FLI1: variants seen among roughly 807,000 people sequenced by gnomAD.
FLI1 encodes the protein Fli-1 proto-oncogene, ETS transcription factor.
In FLI1, 13 loss-of-function variants were observed where a neutral mutation model predicts 53.1. The observed-to-expected ratio is 0.24, with a 90% confidence interval of 0.16 to 0.39. The LOEUF is 0.39. Among genes scored for constraint, FLI1 ranks in the 10% least tolerant of loss-of-function variants. The pLI is 1.00. For synonymous variants in FLI1, 244 were observed against 236.7 expected (o/e 1.03, Z -0.28); for missense variants, 424 against 600.5 (o/e 0.71, Z 3.07).
Position 128,812,084 on chromosome 11 carries a change from G to A in FLI1, c.*1096G>A. The A allele has an allele frequency of 4.8e-6, 1 of 208,458 alleles. No individual in the cohort carries two copies. Among genetic ancestry groups the A allele is most frequent in the Non-Finnish European group, 9.8e-6 (1 of 102,198 alleles). The allele number at this position is 208,458 out of a possible 1,614,324, so 12.9% of individuals were successfully genotyped here. ...CTGAAAAGGAAACAGGGCTGTTTAAGTCACTGACTTATGAGAAAGCAAAGC... is the reference window on the plus strand; with the variant it reads ...CTGAAAAGGAAACAGGGCTGTTTAAATCACTGACTTATGAGAAAGCAAAGC... On this transcript the variant is annotated 3_prime_UTR_variant, in exon 9 of 9. Transcript: ENST00000527786.
intron 2 of FLI1, among the ~76,000 whole-genome samples, chr11:128,765,575 A>G (rs563481433): frequency 8.3e-4 from 127 of 152,174 alleles, no homozygotes; most frequent in Non-Finnish European, 1.6e-3. Flanking sequence ...CCCATACCCT[A>G]TGCCCTCTTG....
intron 1 of FLI1, among the ~76,000 whole-genome samples, chr11:128,728,485 G>A (rs1053060398): frequency 4.6e-5 from 7 of 152,218 alleles, no homozygotes; most frequent in South Asian, 2.1e-4. Flanking sequence ...GCGTGTTGAC[G>A]CTTGGACACT....
intron 5 of FLI1, among the ~76,000 whole-genome samples, chr11:128,796,460 C>A (rs1399361591): frequency 2.6e-5 from 4 of 152,138 alleles, no homozygotes; most frequent in African/African-American, 9.7e-5. Context: ...AGGCTTTGGG[C>A]CTCTGGGCCT....
chr11:128,758,069 G>A, intron 1 of FLI1, 46 bp from the exon 2 acceptor site: 1 of 1,526,754 alleles, frequency 6.5e-7, no homozygotes, highest in African/African-American at 1.4e-5. Flanking sequence ...CACTTGCTTG[G>A]GTGAAGAGTG....
At chr11:128,757,223 A>T (rs1269092620) in intron 1 of FLI1, among the ~76,000 whole-genome samples, 2 of 152,104 alleles carry the variant, frequency 1.3e-5, no homozygotes, top group Non-Finnish European at 2.9e-5. Flanking sequence ...CTGGGATTAC[A>T]GGCATGAGCC....
intron 6 of FLI1, 143 bp from the exon 7 acceptor site, chr11:128,807,037 G>A: frequency 2.2e-6 from 1 of 450,388 alleles, no homozygotes; most frequent in Non-Finnish European, 3.9e-6. Context: ...TAGATTCTAG[G>A]TAAATGTTTC....
chr11:128,726,962 G>T (rs2135746348), intron 1 of FLI1, among the ~76,000 whole-genome samples: 1 of 152,276 alleles, frequency 6.6e-6, no homozygotes, highest in Admixed American at 6.5e-5. Flanking sequence ...GTGTTCTGCA[G>T]GGGAGGGTGC....
intron 5 of FLI1, among the ~76,000 whole-genome samples, chr11:128,786,220 C>T (rs1372718481): frequency 6.6e-6 from 1 of 152,102 alleles, no homozygotes; most frequent in East Asian, 1.9e-4. Context: ...AAATGAGGCC[C>T]ATGTTAGAGC....
At chr11:128,687,165 T>C (rs1937593306) in intron 1 of FLI1, among the ~76,000 whole-genome samples, 1 of 152,358 alleles carries the variant, frequency 6.6e-6, no homozygotes, top group South Asian at 2.1e-4. Context: ...GCGCTTCTCC[T>C]ACAGGTGAGA....
chr11:128,758,230 C>G lies in FLI1; in HGVS notation c.134C>G (p.Pro45Arg). Residue 45 changes from proline (P) to arginine (R), a missense_variant, in exon 2 of 9, where the codon CCC (proline) becomes CGC (arginine). Physicochemically the swap from Pro to Arg is moderately radical, Grantham distance 103. Coordinates refer to ENST00000527786, the MANE Select transcript of FLI1 (RefSeq NM_002017.5). ...TCGGGGAGTCCTGACTACGGGCAGC[C>G]CCACAAGATCAACCCCCTCCCACCA... ...TASGSPDYGQ[P>R]HKINPLPPQQ... 6.2e-7 allele frequency: 1 copy of G among 1,613,506 alleles called. No individual in the cohort carries two copies. The highest frequency in any genetic ancestry group is 8.5e-7 in the Non-Finnish European group (1 of 1,179,686).
chr11:128,707,497 G>A (rs1198165080), intron 1 of FLI1, among the ~76,000 whole-genome samples: 1 of 152,214 alleles, frequency 6.6e-6, no homozygotes, highest in Non-Finnish European at 1.5e-5. Flanking sequence ...CAGGAAACCA[G>A]CATGTGGAGA....
At chr11:128,713,784 C>T (rs931093616) in intron 1 of FLI1, among the ~76,000 whole-genome samples, 1 of 152,094 alleles carries the variant, frequency 6.6e-6, no homozygotes, top group South Asian at 2.1e-4. Flanking sequence ...AAAGATAAGC[C>T]TCGGAGTCAG....
At chr11:128,714,982 CAG>C (rs1436073777) in intron 1 of FLI1, among the ~76,000 whole-genome samples, 18 of 152,278 alleles carry the variant, frequency 1.2e-4, no homozygotes, top group African/African-American at 2.6e-4. Context: ...GCTGGGATGA[CAG>C]GGGTGAGCTA....
intron 5 of FLI1, among the ~76,000 whole-genome samples, chr11:128,802,167 C>A (rs980573587): frequency 1.3e-5 from 2 of 152,236 alleles, no homozygotes; most frequent in African/African-American, 2.4e-5. Flanking sequence ...CCTGGTTCTT[C>A]ATACCCCTAG....
chr11:128,796,317 T>C (rs986953734), intron 5 of FLI1, among the ~76,000 whole-genome samples: 1 of 152,250 alleles, frequency 6.6e-6, no homozygotes, highest in African/African-American at 2.4e-5. Flanking sequence ...CTTCGGCCTT[T>C]TGGGCCTGTC....
At chr11:128,787,920 C>A (rs1245983132) in intron 5 of FLI1, among the ~76,000 whole-genome samples, 2 of 151,074 alleles carry the variant, frequency 1.3e-5, no homozygotes, top group East Asian at 2.0e-4. Context: ...CATTCTCCTG[C>A]CTCAGCCTCC....
intron 1 of FLI1, among the ~76,000 whole-genome samples, chr11:128,725,257 T>C (rs766219731): frequency 2.6e-5 from 4 of 152,240 alleles, no homozygotes; most frequent in Non-Finnish European, 5.9e-5. Context: ...GATTCTTGCA[T>C]AATTCTCAGA....
chr11:128,812,032 T>C lies in FLI1; in HGVS notation c.*1044T>C, dbSNP rs1942950388. The stretch of plus-strand genomic sequence containing the variant: ...GCTGTCTGTATGTTTTTATAGCTGG[T>C]TTTTAAAAAGCATAATATGCCTATA... On this transcript the variant is annotated 3_prime_UTR_variant, in exon 9 of 9. Transcript: ENST00000527786. 4.8e-6 allele frequency: 1 copy of C among 206,518 alleles called. No individual in the cohort carries two copies. Among genetic ancestry groups the C allele is most frequent in the African/African-American group, 2.3e-5 (1 of 43,782 alleles). The allele number at this position is 206,518 out of a possible 1,614,324, so 12.8% of individuals were successfully genotyped here. A position where few individuals can be genotyped will look rare whatever the true frequency, so the allele number is the denominator to read the frequency against.
chr11:128,753,078 G>A (rs1390731069), intron 1 of FLI1, among the ~76,000 whole-genome samples: 1 of 152,190 alleles, frequency 6.6e-6, no homozygotes, highest in African/African-American at 2.4e-5. Context: ...ATGTGCTGGG[G>A]CACTTCCCTG....
Sources: gnomAD v4.1 joint callset for allele counts (sites outside exome capture counted in the v4.1 genomes callset) on GRCh38, gnomAD v4.1.1 for gene constraint, MANE v1.5 for transcripts, NCBI Gene and HGNC (gene_info 2026-07-23, HGNC 2026-07-21) for gene names.